ARID1B: variants seen among roughly 807,000 people sequenced by gnomAD.
ARID1B encodes AT-rich interaction domain 1B.
ARID1B carries 30 observed loss-of-function variants against 212.3 expected under a neutral mutation model. That is an observed-to-expected ratio of 0.14 (90% CI 0.11 to 0.19). The LOEUF (loss-of-function observed/expected upper bound fraction) is 0.19. ARID1B is among the 10% of genes least tolerant of loss of function. ARID1B has a pLI of 1.00. For synonymous variants in ARID1B, 1,402 were observed against 1,301.7 expected (o/e 1.08, Z -1.66); for missense variants, 2,891 against 3,204.0 (o/e 0.90, Z 2.36).
chr6:156,944,907 C>G (rs1212210289), intron 4 of ARID1B, among the ~76,000 whole-genome samples: 3 of 150,926 alleles, frequency 2.0e-5, no homozygotes, highest in Non-Finnish European at 3.0e-5. Flanking sequence ...TTTTCTTCTT[C>G]TTCTTCTTTT....
intron 5 of ARID1B, among the ~76,000 whole-genome samples, chr6:157,105,495 A>G (rs527668429): frequency 1.8e-4 from 28 of 152,380 alleles, no homozygotes; most frequent in African/African-American, 6.7e-4. Context: ...AAGCAGAAAA[A>G]TAGGAGAAAG....
chr6:157,039,669 C>CTTT (rs1562569144), intron 4 of ARID1B, among the ~76,000 whole-genome samples: 27 of 94,056 alleles, frequency 2.9e-4, no homozygotes, highest in African/African-American at 8.9e-4. Flanking sequence ...TTCCTTCCTT[C>CTTT]CTTCCTTCCT....
intron 16 of ARID1B, 149 bp downstream of exon 16, chr6:157,196,464 C>T: frequency 9.6e-7 from 1 of 1,044,264 alleles, no homozygotes; most frequent in Non-Finnish European, 1.3e-6. Flanking sequence ...GGCTGCTGGT[C>T]ACCAGGTGAG....
At chr6:157,186,174 T>A (rs963388958) in intron 13 of ARID1B, 3 of 273,164 alleles carry the variant, frequency 1.1e-5, no homozygotes, top group Non-Finnish European at 2.2e-5. Flanking sequence ...GTGCATCAGC[T>A]TCAGGACGGG....
chr6:156,839,507 T>C (rs897885634), intron 2 of ARID1B, among the ~76,000 whole-genome samples: 6 of 152,288 alleles, frequency 3.9e-5, no homozygotes, highest in Admixed American at 1.3e-4. Flanking sequence ...CACTGAGCAG[T>C]TGGGGAGAGG....
chr6:156,779,648 G>A (rs1273443731), intron 1 of ARID1B, 177 bp downstream of exon 1: 2 of 523,390 alleles, frequency 3.8e-6, no homozygotes, highest in Non-Finnish European at 5.1e-6. Flanking sequence ...CGCCCCGGGG[G>A]CCGGCGCGCT....
intron 5 of ARID1B, among the ~76,000 whole-genome samples, chr6:157,091,185 C>T (rs1007848065): frequency 2.0e-5 from 3 of 152,178 alleles, no homozygotes; most frequent in Non-Finnish European, 4.4e-5. Flanking sequence ...TTTATCATGG[C>T]CATTCCTAGA....
At chr6:157,196,130 G>T (rs2128355607) in intron 15 of ARID1B, 35 bp from the exon 16 acceptor site, 1 of 1,608,328 alleles carries the variant, frequency 6.2e-7, no homozygotes, top group South Asian at 1.1e-5. Flanking sequence ...TTTCAGAAAT[G>T]CCTAAATGTA....
chr6:156,972,441 G>A (rs1776992909), intron 4 of ARID1B, among the ~76,000 whole-genome samples: 1 of 152,186 alleles, frequency 6.6e-6, no homozygotes, highest in African/African-American at 2.4e-5. Context: ...TTTTCTGAGT[G>A]TAAAATTGCA....
At chr6:156,810,893 A>G (rs1781508477) in intron 1 of ARID1B, among the ~76,000 whole-genome samples, 1 of 152,190 alleles carries the variant, frequency 6.6e-6, no homozygotes, top group African/African-American at 2.4e-5. Flanking sequence ...GAGTGGCTTA[A>G]AAGAACACAC....
intron 6 of ARID1B, among the ~76,000 whole-genome samples, chr6:157,123,248 C>T (rs80353692): frequency 4.0e-5 from 4 of 100,268 alleles, no homozygotes; most frequent in Admixed American, 1.2e-4. Flanking sequence ...GCCCCCCCCC[C>T]ACACACACAC....
intron 4 of ARID1B, among the ~76,000 whole-genome samples, chr6:156,953,375 C>T (rs1285777258): frequency 2.0e-5 from 3 of 152,184 alleles, no homozygotes; most frequent in Non-Finnish European, 4.4e-5. Flanking sequence ...TTGCAAGTCC[C>T]TTGGAACATT....
rs1266268610 is a variant in ARID1B, at chr6:157,148,419, G to A, written c.2762-205G>A. 2.0e-5 allele frequency among the ~76,000 whole-genome samples: 3 copies of A among 152,168 alleles called. No homozygotes were observed. Among genetic ancestry groups the A allele is most frequent in the Non-Finnish European group, 2.9e-5 (2 of 68,018 alleles). Reference sequence around the variant, plus strand: ...GTGCAGTGGTCCTCTGGGGCTGTCTGTATTTGAGTCACTCTCTGAGGGCCT... The same window carrying A: ...GTGCAGTGGTCCTCTGGGGCTGTCTATATTTGAGTCACTCTCTGAGGGCCT... On this transcript the variant is annotated intron_variant, in intron 7 of 19. Transcript: ENST00000636930. This position sits in a 1 kb window ranked among gnomAD's most constrained non-coding sequence, Gnocchi z 5.6.
At chr6:156,867,861 A>C (rs1386043271) in intron 2 of ARID1B, among the ~76,000 whole-genome samples, 1 of 152,242 alleles carries the variant, frequency 6.6e-6, no homozygotes, top group Non-Finnish European at 1.5e-5. Flanking sequence ...GCTTTCTTTA[A>C]AAAGGCAGGT....
At position 157,210,075 on chromosome 6, in the gene ARID1B, C is replaced by T. The variant is rs1303973819; in HGVS notation, c.*2184C>T. ...CAGTTACAGTCATTGTGAGACGTGA[C>T]TCTCCAGTGTCACGAGGAAAAAAAT... On this transcript the variant is annotated 3_prime_UTR_variant, in exon 20 of 20. Coordinates refer to ENST00000636930, the MANE Select transcript of ARID1B (RefSeq NM_001374828.1). 3 of 232,936 alleles carry T rather than the reference C, an allele frequency of 1.3e-5. No homozygotes were observed. In the East Asian group the frequency reaches 1.8e-4, roughly 14 times the overall value. The allele number at this position is 232,936 out of a possible 1,614,324, so 14.4% of individuals were successfully genotyped here.
intron 4 of ARID1B, among the ~76,000 whole-genome samples, chr6:156,948,855 T>G (rs1231311256): frequency 6.6e-6 from 1 of 152,246 alleles, no homozygotes; most frequent in African/African-American, 2.4e-5. Flanking sequence ...CTTTAACATC[T>G]TTTTTCATTT....
At chr6:157,145,467 C>T (rs578038819) in intron 7 of ARID1B, among the ~76,000 whole-genome samples, 10 of 152,236 alleles carry the variant, frequency 6.6e-5, no homozygotes, top group East Asian at 1.9e-4. Context: ...GACAGTGGCC[C>T]GTGCGTCGCC....
At chr6:157,093,296 G>A (rs1326530165) in intron 5 of ARID1B, among the ~76,000 whole-genome samples, 1 of 152,162 alleles carries the variant, frequency 6.6e-6, no homozygotes, top group East Asian at 1.9e-4. Context: ...AACAATTGTG[G>A]AAGGAACAAA....
intron 5 of ARID1B, among the ~76,000 whole-genome samples, chr6:157,086,885 A>T (rs1481610687): frequency 1.3e-5 from 2 of 152,240 alleles, no homozygotes; most frequent in Non-Finnish European, 2.9e-5. Flanking sequence ...AAGGATGCCC[A>T]TTCTTCGCAG....
Sources: gnomAD v4.1 joint callset for allele counts (sites outside exome capture counted in the v4.1 genomes callset) on GRCh38, gnomAD v4.1.1 for gene constraint, Gnocchi (gnomAD v3.1) non-coding constraint, MANE v1.5 for transcripts, NCBI Gene and HGNC (gene_info 2026-07-23, HGNC 2026-07-21) for gene names.